ECE1: variants seen among roughly 807,000 people sequenced by gnomAD.
ECE1 encodes endothelin converting enzyme 1.
Under a neutral mutation model 98.6 loss-of-function variants are expected in ECE1, and 35 were observed. The ratio of observed to expected loss-of-function variants is 0.35; its 90% CI spans 0.27 to 0.47. The LOEUF is 0.47. Among genes scored for constraint, ECE1 ranks in the 20% least tolerant of loss-of-function variants. The probability of loss-of-function intolerance (pLI) is 1.00; values close to 1 mark genes in which losing one functional copy is unlikely to be tolerated. For synonymous variants in ECE1, 394 were observed against 407.1 expected (o/e 0.97, Z 0.39); for missense variants, 814 against 1,025.3 (o/e 0.79, Z 2.81).
chr1:21,295,733 G>A (rs762308408), intron 1 of ECE1, among the ~76,000 whole-genome samples: 1 of 152,150 alleles, frequency 6.6e-6, no homozygotes, highest in Non-Finnish European at 1.5e-5. Flanking sequence ...ATTTGGTATT[G>A]CATGTCGTTT....
chr1:21,225,479 G>A lies in ECE1; in HGVS notation c.1850-39C>T, dbSNP rs747204048. 9 of 1,605,002 alleles carry A rather than the reference G, an allele frequency of 5.6e-6. No homozygotes were observed. The Admixed American group carries it at 1.2e-4, about 21-fold the overall frequency. On this transcript the variant is annotated intron_variant, in intron 16 of 18. Transcript: ENST00000374893. The surrounding 1 kb of genome is among the most constrained non-coding windows in gnomAD (Gnocchi z 5.3). ...GGAGGCGTCATGTCAAGGGAGGGAG[G>A]GGCACAGCAGGGACCTGCTGCTCCT...
chr1:21,290,356 C>T lies in ECE1; in HGVS notation c.51+8G>A, dbSNP rs2098265395. The T allele has an allele frequency of 1.6e-6, 2 of 1,233,480 alleles. No individual in the cohort carries two copies. Among genetic ancestry groups the T allele is most frequent in the East Asian group, 3.2e-5 (1 of 30,832 alleles). The allele number at this position is 1,233,480 out of a possible 1,614,324, so 76.4% of individuals were successfully genotyped here. ...CCGCCCCCGCCCTCCAGGCCGCGCC[C>T]GCCTCACCCCCAGCGCCGACAGCAG... On this transcript the variant is annotated splice_region_variant and intron_variant, in intron 1 of 18. Coordinates refer to ENST00000374893, the MANE Select transcript of ECE1 (RefSeq NM_001397.3). The surrounding 1 kb of genome is among the most constrained non-coding windows in gnomAD (Gnocchi z 7.3).
intron 1 of ECE1, among the ~76,000 whole-genome samples, chr1:21,328,508 T>G (rs1639129468): frequency 6.6e-6 from 1 of 152,208 alleles, no homozygotes; most frequent in Non-Finnish European, 1.5e-5. Context: ...ACGCCTGTAA[T>G]CCCAGCACTT....
At position 21,290,070 on chromosome 1, in the gene ECE1, C is replaced by T; in HGVS notation, c.138G>A (p.Gln46=). 8 of 1,499,318 alleles carry T rather than the reference C, an allele frequency of 5.3e-6. No individual in the cohort carries two copies. The highest frequency in any genetic ancestry group is 7.2e-6 in the Non-Finnish European group (8 of 1,118,734). The allele number at this position is 1,499,318 out of a possible 1,614,324, so 92.9% of individuals were successfully genotyped here. ...TCGGGAGGGAGCGGAGGGCGCCTAC[C>T]TGCAGGCCGTTGGGGTATGCGTCGC... ...SEGDAYPNGL[Q]VNFHSPRSGQ... Residue 46 remains glutamine (Q), a splice_region_variant and synonymous_variant, in exon 2 of 19, where the codon CAG becomes CAA. Coordinates refer to ENST00000374893, the MANE Select transcript of ECE1 (RefSeq NM_001397.3). The surrounding 1 kb of genome is among the most constrained non-coding windows in gnomAD (Gnocchi z 7.3).
chr1:21,290,295 G>C lies in ECE1; in HGVS notation c.51+69C>G. 3 of 1,248,126 alleles carry C rather than the reference G, an allele frequency of 2.4e-6. No homozygotes were observed. The highest frequency in any genetic ancestry group is 6.1e-5 in the South Asian group (2 of 32,968). 77.3% of individuals were successfully genotyped at this position (1,248,126 alleles called of 1,614,324 possible). On this transcript the variant is annotated intron_variant, in intron 1 of 18. Transcript: ENST00000374893. This position sits in a 1 kb window ranked among gnomAD's most constrained non-coding sequence, Gnocchi z 7.3. ...ACACCCGAGACCGAGACCGGCCCACGGAGCGGCCCGCGCGGGGAGGGGTCC... is the reference window on the plus strand; with the variant it reads ...ACACCCGAGACCGAGACCGGCCCACCGAGCGGCCCGCGCGGGGAGGGGTCC...
chr1:21,332,407 T>C (rs1219415307), intron 1 of ECE1, among the ~76,000 whole-genome samples: 1 of 151,518 alleles, frequency 6.6e-6, no homozygotes, highest in South Asian at 2.1e-4. Flanking sequence ...TTTACAAGAA[T>C]CTCGTCGCTT....
intron 1 of ECE1, among the ~76,000 whole-genome samples, chr1:21,321,514 A>C (rs1204354345): frequency 1.3e-5 from 2 of 152,094 alleles, no homozygotes; most frequent in African/African-American, 2.4e-5. Context: ...ACAAGTAATC[A>C]ATATGGAATG....
At chr1:21,343,407 G>T (rs765887422) in intron 1 of ECE1, among the ~76,000 whole-genome samples, 4 of 152,198 alleles carry the variant, frequency 2.6e-5, no homozygotes, top group Non-Finnish European at 5.9e-5. Flanking sequence ...CTCTGTCCCT[G>T]TGCTGGAAAA....
In ECE1 at chr1:21,334,951, A is replaced by C. The variant is rs140215474; in HGVS notation, c.3+10425T>G. 1.4e-3 allele frequency among the ~76,000 whole-genome samples: 213 copies of C among 152,180 alleles called. 2 individuals are homozygous for C. The East Asian group carries it at 0.036, about 26-fold the overall frequency. On this transcript the variant is annotated intron_variant, in intron 1 of 18. Coordinates refer to the ECE1 transcript ENST00000415912. ...GTCTTTCCAAACAGAAACCAAGCCC[A>C]GTCGCCCCTCAACGTGGGGTCCTCC...
intron 1 of ECE1, among the ~76,000 whole-genome samples, chr1:21,333,958 A>T (rs1339852086): frequency 6.6e-6 from 1 of 152,168 alleles, no homozygotes; most frequent in East Asian, 1.9e-4. Flanking sequence ...TCACAACACC[A>T]CTATGAGAAA....
At chr1:21,232,367 T>C (rs1164228252) in intron 14 of ECE1, among the ~76,000 whole-genome samples, 1 of 151,976 alleles carries the variant, frequency 6.6e-6, no homozygotes, top group Non-Finnish European at 1.5e-5. Flanking sequence ...GGCATGATCT[T>C]GACTCACTGC....
Position 21,340,745 on chromosome 1 carries a change from A to G in ECE1, c.3+4631T>C, listed in dbSNP as rs1639382808. Among the ~76,000 whole-genome samples, 1 of 152,194 alleles carries G rather than the reference A, an allele frequency of 6.6e-6. No individual in the cohort carries two copies. Among genetic ancestry groups the G allele is most frequent in the Non-Finnish European group, 1.5e-5 (1 of 68,024 alleles). The stretch of plus-strand genomic sequence containing the variant: ...CCAGCTACTCGGGAGACTGAGGAGA[A>G]TCACTTGAACCAGGGAGGCTGAGGC... On this transcript the variant is annotated intron_variant, in intron 1 of 18. Coordinates refer to the ECE1 transcript ENST00000415912. This position sits in a 1 kb window ranked among gnomAD's most constrained non-coding sequence, Gnocchi z 4.6.
chr1:21,287,553 AAAGTT>A (rs2098261992), intron 2 of ECE1, among the ~76,000 whole-genome samples: 2 of 152,278 alleles, frequency 1.3e-5, no homozygotes, highest in African/African-American at 4.8e-5. Context: ...ATAAATAAAT[AAAGTT>A]GAGAGAGAAG....
At position 21,263,364 on chromosome 1, in the gene ECE1, T is replaced by TA. The variant is rs71014177; in HGVS notation, c.494-2973_494-2972insT. 3.3e-3 allele frequency among the ~76,000 whole-genome samples: 260 copies of TA among 77,870 alleles called. 1 individual carries two copies. The highest frequency in any genetic ancestry group is 0.013 in the Middle Eastern group (2 of 154). 51.1% of individuals were successfully genotyped at this position (77,870 alleles called of 152,430 possible). On this transcript the variant is annotated intron_variant, in intron 4 of 18. Transcript: ENST00000374893. ...AAGGTTTCCTTTTTTTATATTTATTTTTTTTTTTTTTGAGACAGAGTCTCG... is the reference window on the plus strand; with the variant it reads ...AAGGTTTCCTTTTTTTATATTTATTTATTTTTTTTTTTGAGACAGAGTCTCG...
intron 10 of ECE1, among the ~76,000 whole-genome samples, chr1:21,244,236 T>C (rs749019374): frequency 1.3e-5 from 2 of 152,164 alleles, no homozygotes; most frequent in Non-Finnish European, 2.9e-5. Flanking sequence ...GGCCCGAGCG[T>C]GATGTATCCC....
upstream of ECE1, among the ~76,000 whole-genome samples, chr1:21,295,317 C>G (rs1287979314): frequency 6.6e-6 from 1 of 152,170 alleles, no homozygotes; most frequent in Admixed American, 6.5e-5. Context: ...TCAAGACCAG[C>G]CTGGGAAACA....
intron 1 of ECE1, among the ~76,000 whole-genome samples, chr1:21,341,026 C>T (rs1639387603): frequency 6.6e-6 from 1 of 151,984 alleles, no homozygotes; most frequent in Non-Finnish European, 1.5e-5. Context: ...GCACATTCTG[C>T]TCCCTCCACC....
In ECE1 at chr1:21,319,510, C is replaced by T. The variant is rs914607688; in HGVS notation, c.3+25866G>A. 2.6e-5 allele frequency among the ~76,000 whole-genome samples: 4 copies of T among 152,134 alleles called. No individual in the cohort carries two copies. Among genetic ancestry groups the T allele is most frequent in the Admixed American group, 2.0e-4 (3 of 15,282 alleles). On this transcript the variant is annotated intron_variant, in intron 1 of 18. Coordinates refer to the ECE1 transcript ENST00000415912. This position sits in a 1 kb window ranked among gnomAD's most constrained non-coding sequence, Gnocchi z 4.4. ...CCCCCACCTCTGTCCACCAGGGCACCCCCGGCACCAAGGGCCAGACTCCCT... is the reference window on the plus strand; with the variant it reads ...CCCCCACCTCTGTCCACCAGGGCACTCCCGGCACCAAGGGCCAGACTCCCT...
At chr1:21,290,776 T>C (rs1490058436), upstream of ECE1, among the ~76,000 whole-genome samples, 1 of 152,186 alleles carries the variant, frequency 6.6e-6, no homozygotes, top group Non-Finnish European at 1.5e-5. The surrounding 1 kb of genome is among the most constrained non-coding windows in gnomAD (Gnocchi z 7.3). Flanking sequence ...TCAAGACAGG[T>C]TCCCCCCGGC....
Sources: allele counts gnomAD v4.1 joint callset (sites outside exome capture counted in the v4.1 genomes callset), GRCh38; gene constraint gnomAD v4.1.1; non-coding constraint Gnocchi (gnomAD v3.1); transcripts MANE v1.5; gene names NCBI Gene and HGNC (gene_info 2026-07-23, HGNC 2026-07-21).